STXBP5L: variants seen among roughly 807,000 people sequenced by gnomAD.
STXBP5L encodes syntaxin-binding protein 5-like.
STXBP5L carries 65 observed loss-of-function variants against 144.5 expected under a neutral mutation model. The ratio of observed to expected loss-of-function variants is 0.45; its 90% CI spans 0.37 to 0.55. The LOEUF is 0.55. Among genes scored for constraint, STXBP5L ranks in the 20% least tolerant of loss-of-function variants. STXBP5L has a pLI of 0.00. For missense variants in STXBP5L, 1,298 were observed against 1,405.5 expected (o/e 0.92, Z 1.22); for synonymous variants, 505 against 469.6 (o/e 1.08, Z -0.97).
intron 2 of STXBP5L, among the ~76,000 whole-genome samples, chr3:120,921,360 T>C (rs1375402794): frequency 2.6e-5 from 4 of 152,084 alleles, no homozygotes; most frequent in African/African-American, 9.7e-5. Context: ...GAGCTTATTA[T>C]ATATTCTGGT....
At chr3:121,067,896 G>A (rs1372634063) in intron 5 of STXBP5L, among the ~76,000 whole-genome samples, 1 of 152,172 alleles carries the variant, frequency 6.6e-6, no homozygotes, top group East Asian at 1.9e-4. Context: ...TATTTGCATA[G>A]CTAGTCCATC....
chr3:120,990,138 A>C (rs544875468), intron 3 of STXBP5L, among the ~76,000 whole-genome samples: 7 of 152,286 alleles, frequency 4.6e-5, no homozygotes, highest in Admixed American at 4.6e-4. Context: ...ATGGGCAAAA[A>C]TCACAGGCAT....
intron 3 of STXBP5L, among the ~76,000 whole-genome samples, chr3:120,989,201 C>G (rs1429079037): frequency 6.6e-6 from 1 of 151,854 alleles, no homozygotes; most frequent in African/African-American, 2.4e-5. Flanking sequence ...ATTGCTGAGT[C>G]AACTGTTTTA....
At chr3:121,297,808 G>C (rs1604882) in intron 19 of STXBP5L, among the ~76,000 whole-genome samples, 15,115 of 152,134 alleles carry the variant, frequency 0.099, 1,184 homozygotes, top group Admixed American at 0.2. Context: ...AATATGTTGG[G>C]GAATTTTAGA....
chr3:121,154,146 C>G (rs2046035629), intron 8 of STXBP5L, among the ~76,000 whole-genome samples: 1 of 151,568 alleles, frequency 6.6e-6, no homozygotes, highest in Non-Finnish European at 1.5e-5. Flanking sequence ...TTGCAGCTGC[C>G]TTAGTACAAA....
intron 20 of STXBP5L, among the ~76,000 whole-genome samples, chr3:121,378,496 T>TA (rs1414084000): frequency 3.9e-5 from 6 of 152,124 alleles, no homozygotes; most frequent in Admixed American, 6.5e-5. Context: ...AGCCAAAATA[T>TA]AAAAAAATGA....
chr3:121,356,818 C>G (rs1020756440), intron 20 of STXBP5L, among the ~76,000 whole-genome samples: 2 of 152,166 alleles, frequency 1.3e-5, no homozygotes, highest in East Asian at 1.9e-4. Flanking sequence ...ATTTGGCCAT[C>G]TTGGAACCTG....
chr3:120,963,836 C>T (rs1009907529), intron 3 of STXBP5L, among the ~76,000 whole-genome samples: 4 of 152,128 alleles, frequency 2.6e-5, no homozygotes, highest in South Asian at 4.1e-4. Flanking sequence ...GAAATACTTT[C>T]AGAAGGAATG....
At chr3:121,192,526 C>A (rs1458444930) in intron 9 of STXBP5L, among the ~76,000 whole-genome samples, 1 of 152,126 alleles carries the variant, frequency 6.6e-6, no homozygotes, top group East Asian at 1.9e-4. Context: ...CAATCCAAAG[C>A]CAAAAGAACA....
intron 3 of STXBP5L, among the ~76,000 whole-genome samples, chr3:121,022,830 C>T (rs981056306): frequency 3.3e-5 from 5 of 152,074 alleles, no homozygotes; most frequent in Admixed American, 2.6e-4. Context: ...AAAGCATTCC[C>T]CCTGAGAACT....
chr3:121,008,357 C>A (rs900770113), intron 3 of STXBP5L, among the ~76,000 whole-genome samples: 5 of 151,948 alleles, frequency 3.3e-5, no homozygotes, highest in African/African-American at 1.2e-4. Flanking sequence ...ATTCTTATAT[C>A]CCCTTGTAGA....
At chr3:120,961,353 C>A (rs1433727906) in intron 3 of STXBP5L, among the ~76,000 whole-genome samples, 1 of 151,454 alleles carries the variant, frequency 6.6e-6, no homozygotes, top group African/African-American at 2.4e-5. Context: ...TATACGTGTA[C>A]CATGTTTGTA....
intron 18 of STXBP5L, among the ~76,000 whole-genome samples, chr3:121,277,742 T>C (rs2050929203): frequency 6.6e-6 from 1 of 152,056 alleles, no homozygotes; most frequent in African/African-American, 2.4e-5. Flanking sequence ...TTTTTAGTAG[T>C]GTTCAACTTT....
intron 5 of STXBP5L, among the ~76,000 whole-genome samples, chr3:121,051,282 A>AT (rs1326309270): frequency 3.4e-4 from 52 of 151,972 alleles, no homozygotes; most frequent in African/African-American, 1.1e-3. Flanking sequence ...CAGAATATAC[A>AT]TTTTTTTTCA....
intron 5 of STXBP5L, among the ~76,000 whole-genome samples, chr3:121,045,792 A>G (rs1431025171): frequency 1.3e-5 from 2 of 152,162 alleles, no homozygotes; most frequent in Non-Finnish European, 2.9e-5. Flanking sequence ...GTGTAGACTC[A>G]TATTATCTTC....
At chr3:121,176,265 GA>G (rs1451480695) in intron 9 of STXBP5L, among the ~76,000 whole-genome samples, 1 of 151,776 alleles carries the variant, frequency 6.6e-6, no homozygotes, top group Non-Finnish European at 1.5e-5. Context: ...TTTAAAAGTG[GA>G]AATGGGACAC....
chr3:121,157,838 G>A (rs2046176342), intron 9 of STXBP5L: 1 of 572,446 alleles, frequency 1.7e-6, no homozygotes, highest in Non-Finnish European at 2.8e-6. Context: ...TCCCTGTTTT[G>A]TAAGCTGTAG....
At chr3:121,171,188 T>C (rs1237468422) in intron 9 of STXBP5L, among the ~76,000 whole-genome samples, 1 of 152,080 alleles carries the variant, frequency 6.6e-6, no homozygotes, top group African/African-American at 2.4e-5. Context: ...CTCAATAAAC[T>C]AGGAATTGAT....
rs1264921755 is a variant in STXBP5L at position 121,287,315 on chromosome 3, CAT to C, written c.2110+7360_2110+7361del. Among the ~76,000 whole-genome samples, 7 of 152,284 alleles carry C rather than the reference CAT, an allele frequency of 4.6e-5. No individual in the cohort carries two copies. The South Asian group carries it at 8.3e-4, about 18-fold the overall frequency. ...GTAAATAGTCTTTATTCACAGAACA[CAT>C]GATTGTCTATGAAGAAAACTTAATG... On this transcript the variant is annotated intron_variant, in intron 19 of 26. Transcript: ENST00000471454.
Sources: allele counts gnomAD v4.1 joint callset (sites outside exome capture counted in the v4.1 genomes callset), GRCh38; gene constraint gnomAD v4.1.1; transcripts MANE v1.5; gene names NCBI Gene and HGNC (gene_info 2026-07-23, HGNC 2026-07-21).